Variants in ORC4 observed in about 807,000 individuals in gnomAD.
ORC4 encodes origin recognition complex, subunit 4 homolog.
A neutral mutation model predicts 63.9 loss-of-function variants in ORC4; 55 were observed. That is an observed-to-expected ratio of 0.86 (90% CI 0.69 to 1.08). The LOEUF (loss-of-function observed/expected upper bound fraction) is 1.08. ORC4 is among the 50% of genes least tolerant of loss of function. The pLI is 0.00. For missense variants in ORC4, 511 were observed against 504.4 expected (o/e 1.01, Z -0.13); for synonymous variants, 150 against 168.5 (o/e 0.89, Z 0.85).
At chr2:147,987,017 T>C (rs1327691708) in intron 1 of ORC4, among the ~76,000 whole-genome samples, 1 of 152,018 alleles carries the variant, frequency 6.6e-6, no homozygotes, top group Non-Finnish European at 1.5e-5. Context: ...ACATGAAGTG[T>C]AAAAAAGGAA....
intron 13 of ORC4, 48 bp from the exon 14 acceptor site, chr2:147,935,746 C>T (rs936292848): frequency 6.9e-7 from 1 of 1,450,996 alleles, no homozygotes; most frequent in Non-Finnish European, 9.7e-7. Flanking sequence ...AGGAGAGTGA[C>T]AACTCTCCTG....
chr2:147,961,026 TCAGA>T (rs1482353760), intron 4 of ORC4, among the ~76,000 whole-genome samples: 1 of 152,192 alleles, frequency 6.6e-6, no homozygotes, highest in African/African-American at 2.4e-5. Flanking sequence ...TTTTTGTATT[TCAGA>T]CAGTTTGGCC....
intron 1 of ORC4, among the ~76,000 whole-genome samples, chr2:147,978,291 T>C (rs1226910353): frequency 6.6e-6 from 1 of 152,190 alleles, no homozygotes; most frequent in Non-Finnish European, 1.5e-5. Flanking sequence ...AGACTGTGGC[T>C]GAGTGGAGCT....
At chr2:147,938,028 G>GA (rs1180118381) in intron 13 of ORC4, 118 bp downstream of exon 13, 1 of 745,128 alleles carries the variant, frequency 1.3e-6, no homozygotes, top group Non-Finnish European at 2.3e-6. Flanking sequence ...TTCTTGTTTT[G>GA]AAAAAAATCT....
chr2:147,967,191 G>C (rs569435879), intron 4 of ORC4, among the ~76,000 whole-genome samples: 4 of 151,902 alleles, frequency 2.6e-5, no homozygotes, highest in African/African-American at 9.6e-5. Flanking sequence ...CCACAACACA[G>C]TAAAGGCCAT....
intron 1 of ORC4, among the ~76,000 whole-genome samples, chr2:148,007,436 G>A (rs1176035254): frequency 6.6e-6 from 1 of 152,092 alleles, no homozygotes; most frequent in African/African-American, 2.4e-5. Context: ...TCTGAAGCTC[G>A]AAAATTCAAC....
intron 12 of ORC4, 21 bp from the exon 13 acceptor site, chr2:147,938,234 A>C: frequency 1.2e-6 from 2 of 1,604,680 alleles, no homozygotes; most frequent in Non-Finnish European, 1.7e-6. Flanking sequence ...AGCAATGACA[A>C]CATTATACCT....
At chr2:147,952,320 G>T in intron 8 of ORC4, 53 bp downstream of exon 8, 1 of 1,356,208 alleles carries the variant, frequency 7.4e-7, no homozygotes. Context: ...CAGCAATTAA[G>T]CTTGAATTTT....
In ORC4 at chr2:147,930,517, A is replaced by ACAT. The variant is rs1160064954; in HGVS notation, c.*4990_*4992dup. The stretch of plus-strand genomic sequence containing the variant: ...ATGATACAAGTAGCATCTTGATTGA[A>ACAT]CATCATTTACCTCAGATATTCAACC... On this transcript the variant is annotated 3_prime_UTR_variant, in exon 14 of 14. Coordinates refer to ENST00000392857, the MANE Select transcript of ORC4 (RefSeq NM_181741.4). The ACAT allele has an allele frequency of 6.6e-6, 1 of 152,450 alleles. No homozygotes were observed. The highest frequency in any genetic ancestry group is 6.6e-5 in the Admixed American group (1 of 15,202). The allele number at this position is 152,450 out of a possible 1,614,324, so 9.4% of individuals were successfully genotyped here. A position where few individuals can be genotyped will look rare whatever the true frequency, so the allele number is the denominator to read the frequency against.
At chr2:148,007,848 G>A (rs1692723158) in intron 1 of ORC4, among the ~76,000 whole-genome samples, 1 of 152,180 alleles carries the variant, frequency 6.6e-6, no homozygotes, top group Non-Finnish European at 1.5e-5. Flanking sequence ...AACTTCATAT[G>A]AAGGAGTTAT....
chr2:147,993,603 C>A (rs1691759374), intron 1 of ORC4, among the ~76,000 whole-genome samples: 1 of 152,132 alleles, frequency 6.6e-6, no homozygotes, highest in Non-Finnish European at 1.5e-5. Context: ...CCCCCATCAG[C>A]ATGCTTAGGT....
intron 5 of ORC4, 63 bp downstream of exon 5, chr2:147,958,728 A>C: frequency 1.2e-6 from 1 of 816,834 alleles, no homozygotes; most frequent in Non-Finnish European, 2.1e-6. Flanking sequence ...TGAAATATAC[A>C]AGTCATATAA....
chr2:147,967,550 C>A (rs1689963231), intron 4 of ORC4, among the ~76,000 whole-genome samples: 1 of 150,052 alleles, frequency 6.7e-6, no homozygotes, highest in South Asian at 2.1e-4. Context: ...TAAGAGCTAC[C>A]AAAAAAACGT....
At chr2:147,985,333 A>G (rs10176479) in intron 1 of ORC4, among the ~76,000 whole-genome samples, 2,915 of 152,178 alleles carry the variant, frequency 0.019, 89 homozygotes, top group African/African-American at 0.067. Flanking sequence ...AGTAGCTGGG[A>G]CTACAGGCGC....
intron 8 of ORC4, among the ~76,000 whole-genome samples, chr2:147,949,392 T>C (rs1398131294): frequency 6.6e-6 from 1 of 151,966 alleles, no homozygotes; most frequent in African/African-American, 2.4e-5. Flanking sequence ...AGTCAGAAAG[T>C]GGATTAGCAG....
At chr2:147,958,476 A>ACTGGG in intron 5 of ORC4, 93 bp from the exon 6 acceptor site, 1 of 880,816 alleles carries the variant, frequency 1.1e-6, no homozygotes, top group Non-Finnish European at 1.9e-6. Flanking sequence ...CTTCCCAGTC[A>ACTGGG]AAGCCTGTGA....
chr2:148,020,516 T>A (rs1436839267), intron 1 of ORC4, 117 bp downstream of exon 1: 2 of 152,054 alleles, frequency 1.3e-5, no homozygotes. Flanking sequence ...CAATTCCCAA[T>A]CTCCACAGCC....
rs749143112 is a variant in ORC4 at position 147,938,143 on chromosome 2, TACCTTCATGACA to T, written c.1113_1122+2del. The T allele has an allele frequency of 1.3e-6, 2 of 1,599,172 alleles. No homozygotes were observed. Among genetic ancestry groups the T allele is most frequent in the Non-Finnish European group, 1.7e-6 (2 of 1,166,936 alleles). On this transcript the variant is annotated splice_donor_variant and coding_sequence_variant, in exon 13 of 14. Transcript: ENST00000392857. LOFTEE classifies it high-confidence loss of function. ...AGAAAAATGACAGCAAACTAAATCT[TACCTTCATGACA>T]ACAGGTTTTTCAAAATTATAAACGG...
chr2:147,945,376 T>C (rs1428954001), intron 9 of ORC4, among the ~76,000 whole-genome samples: 2 of 152,094 alleles, frequency 1.3e-5, no homozygotes, highest in East Asian at 3.9e-4. Context: ...TTATTCTGCT[T>C]TTTAAAATGC....
Sources: gnomAD v4.1 joint callset for allele counts (sites outside exome capture counted in the v4.1 genomes callset) on GRCh38, gnomAD v4.1.1 for gene constraint, MANE v1.5 for transcripts, NCBI Gene and HGNC (gene_info 2026-07-23, HGNC 2026-07-21) for gene names.